Variants in JAKMIP2 observed in about 807,000 individuals in gnomAD.
JAKMIP2 encodes janus kinase and microtubule-interacting protein 2.
A neutral mutation model predicts 115.0 loss-of-function variants in JAKMIP2; 25 were observed. The observed-to-expected ratio is 0.22, with a 90% CI of 0.16 to 0.30. The LOEUF (loss-of-function observed/expected upper bound fraction) is 0.30, where lower values mean the gene tolerates loss of function less well. JAKMIP2 is among the 10% of genes least tolerant of loss of function. JAKMIP2 has a pLI of 1.00. For missense variants in JAKMIP2, 642 were observed against 957.6 expected (o/e 0.67, Z 4.35); for synonymous variants, 334 against 343.6 (o/e 0.97, Z 0.31).
At chr5:147,733,126 G>A (rs182177254) in intron 1 of JAKMIP2, among the ~76,000 whole-genome samples, 13 of 152,258 alleles carry the variant, frequency 8.5e-5, no homozygotes, top group African/African-American at 3.1e-4. Flanking sequence ...CCTCATTGAT[G>A]AGCACAATAG....
rs190155065 is a variant in JAKMIP2, at chr5:147,725,915, T to C, written c.-148-53961A>G. Among the ~76,000 whole-genome samples the C allele has an allele frequency of 2.4e-3, 360 of 152,222 alleles. 2 individuals are homozygous for C. Among genetic ancestry groups the C allele is most frequent in the Non-Finnish European group, 4.0e-3 (272 of 68,004 alleles). ...ATAACTGGACATGGGGAGCTTTTTT[T>C]CTCTGGAAAGGGAGAAACTCGAGAG... On this transcript the variant is annotated intron_variant, in intron 1 of 21. Coordinates refer to ENST00000616793, the MANE Select transcript of JAKMIP2 (RefSeq NM_001270941.2).
At chr5:147,711,088 A>C (rs1302424917) in intron 1 of JAKMIP2, among the ~76,000 whole-genome samples, 1 of 152,222 alleles carries the variant, frequency 6.6e-6, no homozygotes, top group Non-Finnish European at 1.5e-5. Context: ...CTACTTTAAA[A>C]ATTAACTTTT....
At chr5:147,691,786 G>A (rs913131603) in intron 1 of JAKMIP2, among the ~76,000 whole-genome samples, 4 of 152,020 alleles carry the variant, frequency 2.6e-5, no homozygotes, top group East Asian at 1.9e-4. Context: ...TGATGTCCAC[G>A]CCTCATGGGA....
At chr5:147,694,833 T>A (rs1457895655) in intron 1 of JAKMIP2, among the ~76,000 whole-genome samples, 1 of 152,224 alleles carries the variant, frequency 6.6e-6, no homozygotes, top group Non-Finnish European at 1.5e-5. Flanking sequence ...CTCAACTGTT[T>A]TGTCAGGCAT....
Position 147,782,664 on chromosome 5 carries a change from G to T in JAKMIP2, c.-357C>A. 2 of 636,506 alleles carry T rather than the reference G, an allele frequency of 3.1e-6. No individual in the cohort carries two copies. Among genetic ancestry groups the T allele is most frequent in the Non-Finnish European group, 2.9e-6 (1 of 349,918 alleles). The allele number at this position is 636,506 out of a possible 1,614,324, so 39.4% of individuals were successfully genotyped here. On this transcript the variant is annotated 5_prime_UTR_variant, in exon 1 of 22. Coordinates refer to ENST00000616793, the MANE Select transcript of JAKMIP2 (RefSeq NM_001270941.2). ...TATCAGCAATAGAGGCGGCGGCGGC[G>T]GCAGCAGCAGCAGCAGCAGCATCAC...
chr5:147,727,642 T>C (rs928310712), intron 1 of JAKMIP2, among the ~76,000 whole-genome samples: 15 of 152,166 alleles, frequency 9.9e-5, no homozygotes, highest in African/African-American at 3.6e-4. Context: ...AAGATGAGAA[T>C]TGGGTGGCAA....
rs572162853 is a variant in JAKMIP2, at chr5:147,765,338, A to G, written c.-149+17118T>C. ...GACATGAAGAAAGCTCTTTTTTCCA[A>G]CTGATGGTGATGATGTAATTACTTT... is the stretch of plus-strand genomic sequence containing the variant. On this transcript the variant is annotated intron_variant, in intron 1 of 21. Transcript: ENST00000616793. Among the ~76,000 whole-genome samples the G allele has an allele frequency of 8.5e-5, 13 of 152,130 alleles. No individual in the cohort carries two copies. The East Asian group carries it at 2.1e-3, about 25-fold the overall frequency.
At chr5:147,723,165 A>G (rs550223386) in intron 1 of JAKMIP2, among the ~76,000 whole-genome samples, 1 of 152,252 alleles carries the variant, frequency 6.6e-6, no homozygotes, top group Non-Finnish European at 1.5e-5. Flanking sequence ...ATCTTATTTT[A>G]ATATAAGATT....
chr5:147,711,773 T>C (rs1395552805), intron 1 of JAKMIP2, among the ~76,000 whole-genome samples: 5 of 152,164 alleles, frequency 3.3e-5, no homozygotes, highest in Non-Finnish European at 7.3e-5. Context: ...GTTGAAGCGA[T>C]TCTCCGGCCT....
At chr5:147,772,518 G>A (rs918210943) in intron 1 of JAKMIP2, among the ~76,000 whole-genome samples, 2 of 151,720 alleles carry the variant, frequency 1.3e-5, no homozygotes, top group Admixed American at 1.3e-4. Flanking sequence ...CATGAAGAAA[G>A]GTGGCCCTGG....
intron 20 of JAKMIP2, among the ~76,000 whole-genome samples, chr5:147,607,366 G>T (rs1753722281): frequency 6.6e-6 from 1 of 152,266 alleles, no homozygotes; most frequent in Non-Finnish European, 1.5e-5. Flanking sequence ...CTAGTTTATT[G>T]AGTGTTTTTA....
intron 1 of JAKMIP2, among the ~76,000 whole-genome samples, chr5:147,737,503 T>C (rs79612928): frequency 1.3e-5 from 2 of 152,170 alleles, no homozygotes; most frequent in African/African-American, 4.8e-5. Flanking sequence ...ACTTTTGTAA[T>C]CTTTAAGGTA....
chr5:147,592,571 G>A (rs988301920), intron 21 of JAKMIP2, among the ~76,000 whole-genome samples: 7 of 152,180 alleles, frequency 4.6e-5, no homozygotes, highest in African/African-American at 1.4e-4. Flanking sequence ...TGTGCTATGA[G>A]GTTGTGCTAT....
intron 21 of JAKMIP2, 93 bp from the exon 22 acceptor site, chr5:147,591,779 A>C: frequency 1.3e-6 from 1 of 759,274 alleles, no homozygotes; most frequent in Non-Finnish European, 2.2e-6. Flanking sequence ...CAAATTTTTT[A>C]TTCTTTACCA....
chr5:147,655,811 T>C (rs559225877), intron 3 of JAKMIP2, among the ~76,000 whole-genome samples: 8 of 152,098 alleles, frequency 5.3e-5, no homozygotes, highest in Non-Finnish European at 1.0e-4. Context: ...GATTTTTCCA[T>C]CTTTCTGATG....
chr5:147,731,258 A>G (rs1753722450), intron 1 of JAKMIP2, among the ~76,000 whole-genome samples: 1 of 152,176 alleles, frequency 6.6e-6, no homozygotes, highest in Non-Finnish European at 1.5e-5. Context: ...ATCATGAAAG[A>G]TGAAATAAAT....
chr5:147,630,727 G>A (rs1311794080), intron 14 of JAKMIP2, among the ~76,000 whole-genome samples: 1 of 152,066 alleles, frequency 6.6e-6, no homozygotes, highest in Non-Finnish European at 1.5e-5. Flanking sequence ...CAGAAGGTAA[G>A]GAGAGACCAG....
chr5:147,617,576 A>G (rs926515994), intron 19 of JAKMIP2, among the ~76,000 whole-genome samples: 3 of 152,160 alleles, frequency 2.0e-5, no homozygotes, highest in Non-Finnish European at 1.5e-5. Context: ...ATACATGGGA[A>G]GCACTATTTT....
intron 1 of JAKMIP2, among the ~76,000 whole-genome samples, chr5:147,676,047 G>C (rs2126818331): frequency 6.6e-6 from 1 of 152,240 alleles, no homozygotes; most frequent in East Asian, 1.9e-4. Context: ...AAAAGAGAGT[G>C]CCTGGACCGG....
Sources: gnomAD v4.1 joint callset for allele counts (sites outside exome capture counted in the v4.1 genomes callset) on GRCh38, gnomAD v4.1.1 for gene constraint, MANE v1.5 for transcripts, NCBI Gene and HGNC (gene_info 2026-07-23, HGNC 2026-07-21) for gene names.